USP11: variants seen among roughly 807,000 people sequenced by gnomAD.
USP11 encodes ubiquitin specific peptidase 11.
USP11 carries 5 observed loss-of-function variants against 72.8 expected under a neutral mutation model. The ratio of observed to expected loss-of-function variants is 0.07; its 90% CI spans 0.04 to 0.14. The LOEUF (loss-of-function observed/expected upper bound fraction) is 0.14, where lower values mean the gene tolerates loss of function less well. USP11 is among the 10% of genes least tolerant of loss of function. The probability of loss-of-function intolerance (pLI) is 1.00; values close to 1 mark genes in which losing one functional copy is unlikely to be tolerated. For synonymous variants in USP11, 368 were observed against 326.5 expected (o/e 1.13, Z -1.37); for missense variants, 480 against 794.7 (o/e 0.60, Z 4.76).
chrX:47,240,514 G>A (rs1370503276), intron 5 of USP11, 64 bp downstream of exon 5: 13 of 1,207,282 alleles, frequency 1.1e-5, no homozygotes, highest in Admixed American at 2.2e-5. Flanking sequence ...GGCAGTACTC[G>A]GGGGAAATGA....
At chrX:47,233,433 C>T (rs1602705175) in intron 1 of USP11, 31 of 1,066,727 alleles carry the variant, frequency 2.9e-5, no homozygotes, top group Non-Finnish European at 3.7e-5. Flanking sequence ...TGCAGTCTGA[C>T]GCCTGAGAAC....
intron 17 of USP11, among the ~76,000 whole-genome samples, chrX:47,245,764 G>A (rs1177801487): frequency 9.0e-6 from 1 of 110,784 alleles, no homozygotes; most frequent in Non-Finnish European, 1.9e-5. Context: ...GGCTGGTCTC[G>A]AACTCCTGAC....
intron 1 of USP11, among the ~76,000 whole-genome samples, chrX:47,237,997 C>T (rs1475689800): frequency 2.7e-5 from 3 of 110,843 alleles, no homozygotes; most frequent in Non-Finnish European, 5.7e-5. Context: ...AAATGGTTAT[C>T]CTTGTAGTAC....
chrX:47,233,274 A>G (rs1602704980), intron 1 of USP11, 55 bp downstream of exon 1: 5 of 810,807 alleles, frequency 6.2e-6, no homozygotes. Flanking sequence ...GGCATTGACA[A>G]CCGCTGGGGA....
chrX:47,236,910 A>G (rs1408868368), intron 1 of USP11, among the ~76,000 whole-genome samples: 2 of 112,225 alleles, frequency 1.8e-5, no homozygotes, highest in Non-Finnish European at 3.8e-5. Flanking sequence ...CTGGCCTGAC[A>G]GAGATTGTGA....
chrX:47,241,082 C>A, intron 7 of USP11, 195 bp from the exon 8 acceptor site: 1 of 562,505 alleles, frequency 1.8e-6, no homozygotes, highest in Non-Finnish European at 2.8e-6. Flanking sequence ...TCCCTCTTCT[C>A]TTCCCTGTTC....
In USP11 at chrX:47,233,208, C is replaced by T. The variant is rs2055353627; in HGVS notation, c.165C>T (p.Ala55=). The T allele has an allele frequency of 8.6e-7, 1 of 1,168,105 alleles. No individual in the cohort carries two copies. Among genetic ancestry groups the T allele is most frequent in the South Asian group, 1.9e-5 (1 of 52,979 alleles). The change falls in exon 1 of 21, where the codon GCC becomes GCT. Residue 55 remains alanine (A), a synonymous_variant. Coordinates refer to ENST00000377107, the MANE Select transcript of USP11 (RefSeq NM_001371072.1). ...GTGGGCGAGAACGTCCACTGCGGGCCGGCGAAAGCTGGTGAGGCTGGGCTG... is the reference window on the plus strand; with the variant it reads ...GTGGGCGAGAACGTCCACTGCGGGCTGGCGAAAGCTGGTGAGGCTGGGCTG... The part of the protein sequence containing the change: ...GESGRERPLR[A]GESWFLVEKH...
chrX:47,240,914 G>A (rs1303391062), intron 7 of USP11, 38 bp downstream of exon 7: 3 of 1,161,248 alleles, frequency 2.6e-6, no homozygotes, highest in Non-Finnish European at 3.5e-6. Flanking sequence ...CAGCCACGTG[G>A]TTGGGCTTCA....
At position 47,243,390 on chromosome X, in the gene USP11, C is replaced by G. The variant is rs2055414306; in HGVS notation, c.1584-6C>G. 1.7e-6 allele frequency: 2 copies of G among 1,210,724 alleles called. No individual in the cohort carries two copies. Among genetic ancestry groups the G allele is most frequent in the Admixed American group, 2.2e-5 (1 of 45,923 alleles). On this transcript the variant is annotated splice_polypyrimidine_tract_variant and splice_region_variant and intron_variant, in intron 12 of 20. Coordinates refer to ENST00000377107, the MANE Select transcript of USP11 (RefSeq NM_001371072.1). ...ATCAGGTGTGCCTGCTGTCCACCCC[C>G]CACAGCTATGAGGTGTCAGGTCGCA...
Position 47,247,357 on chromosome X carries a change from A to G in USP11, c.2474A>G (p.Glu825Gly). Residue 825 changes from glutamate (E) to glycine (G), a missense_variant, in exon 19 of 21, where the codon GAG becomes GGG. Glu to Gly is a moderately conservative substitution (Grantham distance 98). Coordinates refer to ENST00000377107, the MANE Select transcript of USP11 (RefSeq NM_001371072.1). ...VIQPQNESNP[E>G]LYKYDLIAVS... is the part of the protein sequence containing the mutation. ...CAGCCACAGAATGAGTCGAATCCGGAGCTGTACAAATATGACCTCATCGCG... is the reference window on the plus strand; with the variant it reads ...CAGCCACAGAATGAGTCGAATCCGGGGCTGTACAAATATGACCTCATCGCG... The G allele has an allele frequency of 8.3e-7, 1 of 1,211,174 alleles. No homozygotes were observed. Among genetic ancestry groups the G allele is most frequent in the Non-Finnish European group, 1.1e-6 (1 of 895,387 alleles).
rs757024793 is a variant in USP11, at chrX:47,241,408, G to A, written c.978G>A (p.Ala326=). The A allele has an allele frequency of 2.4e-5, 29 of 1,208,613 alleles. No individual in the cohort carries two copies. Among genetic ancestry groups the A allele is most frequent in the Non-Finnish European group, 3.0e-5 (27 of 894,615 alleles). The part of the protein sequence containing the change: ...AEAYADLVKQ[A]WSGHHRSIVP... ...CCTATGCAGACCTGGTGAAGCAGGC[G>A]TGGTCTGGCCACCACCGCTCCATTG... is the stretch of plus-strand genomic sequence containing the variant. The change falls in exon 8 of 21, where the codon GCG becomes GCA. Residue 326 remains alanine, a synonymous_variant. Transcript: ENST00000377107.
intron 1 of USP11, chrX:47,233,617 C>T: frequency 2.7e-6 from 2 of 729,399 alleles, no homozygotes; most frequent in South Asian, 6.4e-5. Flanking sequence ...CCGATTGCTC[C>T]GGGGCGGCTG....
intron 1 of USP11, chrX:47,233,475 C>G (rs1042316869): frequency 9.9e-7 from 1 of 1,011,798 alleles, no homozygotes; most frequent in African/African-American, 2.0e-5. Context: ...AGACCAGTTT[C>G]GGTCCTGGAG....
chrX:47,242,426 G>A lies in USP11; in HGVS notation c.1405-13G>A. 7 of 1,211,806 alleles carry A rather than the reference G, an allele frequency of 5.8e-6. No homozygotes were observed. The South Asian group carries it at 8.8e-5, about 15-fold the overall frequency. ...GCCCTTTTGGTCTTTTGTGGATACC[G>A]TTTTTCCCTTAGCACCGGCTCGTGG... On this transcript the variant is annotated splice_polypyrimidine_tract_variant and intron_variant, in intron 10 of 20. Coordinates refer to ENST00000377107, the MANE Select transcript of USP11 (RefSeq NM_001371072.1).
intron 1 of USP11, among the ~76,000 whole-genome samples, chrX:47,238,009 T>C (rs2055382447): frequency 1.8e-5 from 2 of 111,339 alleles, no homozygotes; most frequent in African/African-American, 6.5e-5. Context: ...TTGTAGTACA[T>C]ATAAGTTTCA....
chrX:47,241,154 T>C, intron 7 of USP11, 123 bp from the exon 8 acceptor site: 1 of 758,240 alleles, frequency 1.3e-6, no homozygotes, highest in Non-Finnish European at 1.9e-6. Flanking sequence ...TGCTCCTCTC[T>C]CTCCTCCCTT....
rs1437044556 is a variant in USP11 at position 47,246,936 on chromosome X, G to A, written c.2271-136G>A. The stretch of plus-strand genomic sequence containing the variant: ...CTCGGGAGGCTGAGGCAGGAGAATC[G>A]CTTGAACCCAGGAGGTGGAGGCTGC... On this transcript the variant is annotated intron_variant, in intron 17 of 20. Transcript: ENST00000377107. 1.2e-5 allele frequency: 10 copies of A among 815,467 alleles called. No homozygotes were observed. The Admixed American group carries it at 2.0e-4, about 16-fold the overall frequency. The allele number at this position is 815,467 out of a possible 1,213,427, so 67.2% of individuals were successfully genotyped here.
chrX:47,241,917 A>G (rs749228876), intron 9 of USP11, among the ~76,000 whole-genome samples, 165 bp from the exon 10 acceptor site: 8 of 110,819 alleles, frequency 7.2e-5, no homozygotes, highest in Admixed American at 1.9e-4. Flanking sequence ...GCCCTAAATG[A>G]CCCCCAGTCT....
Position 47,240,389 on chromosome X carries a change from CTT to C in USP11, c.622_623del (p.Leu208GlyfsTer2). 8.3e-7 allele frequency: 1 copy of C among 1,211,810 alleles called. No individual in the cohort carries two copies. The highest frequency in any genetic ancestry group is 1.1e-6 in the Non-Finnish European group (1 of 895,570). On this transcript the variant is annotated frameshift_variant, in exon 5 of 21. Coordinates refer to ENST00000377107, the MANE Select transcript of USP11 (RefSeq NM_001371072.1). LOFTEE classifies it high-confidence loss of function. ...CTTTGGGCCAAGAACTCAGAAGGCT[CTT>C]TGGATAGGTTGTATGACACACACAT...
Sources: allele counts gnomAD v4.1 joint callset (sites outside exome capture counted in the v4.1 genomes callset), GRCh38; gene constraint gnomAD v4.1.1; transcripts MANE v1.5; gene names NCBI Gene and HGNC (gene_info 2026-07-23, HGNC 2026-07-21).